STAG1: variants seen among roughly 807,000 people sequenced by gnomAD.
STAG1 encodes the protein cohesin subunit SA-1.
STAG1 carries 26 observed loss-of-function variants against 170.9 expected under a neutral mutation model. The ratio of observed to expected loss-of-function variants is 0.15; its 90% CI spans 0.11 to 0.21. STAG1 has a LOEUF of 0.21. STAG1 is among the 10% of genes least tolerant of loss of function. The pLI, the probability that STAG1 is intolerant of heterozygous loss-of-function variation, is 1.00. For synonymous variants in STAG1, 514 were observed against 497.7 expected (o/e 1.03, Z -0.44); for missense variants, 964 against 1,509.5 (o/e 0.64, Z 5.99).
At chr3:136,353,963 CA>C (rs1403755730) in intron 28 of STAG1, among the ~76,000 whole-genome samples, 3 of 151,818 alleles carry the variant, frequency 2.0e-5, no homozygotes, top group Admixed American at 6.6e-5. Context: ...ACAATAAACA[CA>C]AAAAAGTGAG....
intron 9 of STAG1, among the ~76,000 whole-genome samples, chr3:136,487,004 A>C (rs1300966845): frequency 7.7e-5 from 2 of 26,006 alleles, no homozygotes; most frequent in African/African-American, 1.1e-4. Context: ...TTCTTCAAAA[A>C]AAAAAAAAAA....
intron 9 of STAG1, among the ~76,000 whole-genome samples, chr3:136,492,455 T>C (rs1001356261): frequency 6.6e-6 from 1 of 152,144 alleles, no homozygotes; most frequent in African/African-American, 2.4e-5. Flanking sequence ...CATAAAAATA[T>C]GGATTCTGAA....
chr3:136,424,319 T>C (rs1011358233), intron 16 of STAG1, among the ~76,000 whole-genome samples: 5 of 149,694 alleles, frequency 3.3e-5, no homozygotes, highest in African/African-American at 1.2e-4. Context: ...CTATTTTTGA[T>C]GGAACGATCT....
chr3:136,615,811 C>T (rs968195234), intron 3 of STAG1, among the ~76,000 whole-genome samples: 2 of 149,846 alleles, frequency 1.3e-5, no homozygotes, highest in Non-Finnish European at 3.0e-5. Context: ...AAAGAAAAAA[C>T]ATATTCCCAC....
chr3:136,671,357 G>T (rs919869516), intron 1 of STAG1, among the ~76,000 whole-genome samples: 2 of 151,964 alleles, frequency 1.3e-5, no homozygotes, highest in Non-Finnish European at 2.9e-5. Flanking sequence ...TTCTCTTCTA[G>T]ATGCTTTGTA....
chr3:136,542,020 T>TAA (rs1446961715), intron 6 of STAG1, 99 bp downstream of exon 6: 4 of 856,018 alleles, frequency 4.7e-6, no homozygotes, highest in Non-Finnish European at 7.6e-6. Flanking sequence ...GATTTTCAGT[T>TAA]ACACTAAACA....
At chr3:136,540,992 G>C (rs577054568) in intron 6 of STAG1, among the ~76,000 whole-genome samples, 1 of 151,776 alleles carries the variant, frequency 6.6e-6, no homozygotes, top group South Asian at 2.1e-4. Flanking sequence ...CATACGTGAA[G>C]AGTTTTACTA....
At chr3:136,658,215 T>C (rs1941459925) in intron 1 of STAG1, among the ~76,000 whole-genome samples, 1 of 151,540 alleles carries the variant, frequency 6.6e-6, no homozygotes, top group African/African-American at 2.4e-5. Context: ...AAAAAAAGCA[T>C]TTCCAAGGGG....
chr3:136,576,674 G>A (rs1175504417), intron 4 of STAG1, among the ~76,000 whole-genome samples: 1 of 152,132 alleles, frequency 6.6e-6, no homozygotes, highest in African/African-American at 2.4e-5. Flanking sequence ...CAGTCAATAT[G>A]GTGGTTAAAG....
chr3:136,542,209 G>T lies in STAG1; in HGVS notation c.395-14C>A. On this transcript the variant is annotated splice_polypyrimidine_tract_variant and intron_variant, in intron 5 of 33. Transcript: ENST00000383202. ...TTCTCACAGTACCTGTGGAACAACA[G>T]ATTTTACATTAATCTTTCAATTAAT... The T allele has an allele frequency of 6.3e-7, 1 of 1,584,038 alleles. No homozygotes were observed. The highest frequency in any genetic ancestry group is 1.1e-5 in the South Asian group (1 of 89,896).
intron 6 of STAG1, among the ~76,000 whole-genome samples, chr3:136,523,608 A>G (rs916463956): frequency 6.6e-6 from 1 of 151,986 alleles, no homozygotes; most frequent in African/African-American, 2.4e-5. Flanking sequence ...ATTAGATCCC[A>G]TTTGTCAGTT....
At chr3:136,688,254 C>A (rs1942603802) in intron 1 of STAG1, among the ~76,000 whole-genome samples, 1 of 152,060 alleles carries the variant, frequency 6.6e-6, no homozygotes, top group African/African-American at 2.4e-5. Context: ...CAATATGAAC[C>A]CTTTCAATGA....
chr3:136,718,632 TA>T (rs1300992423), intron 1 of STAG1, among the ~76,000 whole-genome samples: 1 of 152,186 alleles, frequency 6.6e-6, no homozygotes, highest in African/African-American at 2.4e-5. Context: ...AATATTCAGA[TA>T]AATAGAGGTG....
At chr3:136,573,023 A>T (rs1232265337) in intron 4 of STAG1, among the ~76,000 whole-genome samples, 1 of 152,108 alleles carries the variant, frequency 6.6e-6, no homozygotes, top group Non-Finnish European at 1.5e-5. Context: ...AAAACATTTT[A>T]AAATAATTAG....
At chr3:136,614,556 C>T (rs75702359) in intron 3 of STAG1, among the ~76,000 whole-genome samples, 3,213 of 152,294 alleles carry the variant, frequency 0.021, 57 homozygotes, top group Non-Finnish European at 0.029. Flanking sequence ...CATTAATCTT[C>T]ACTGTTCCTA....
At chr3:136,689,668 C>T (rs182801726) in intron 1 of STAG1, among the ~76,000 whole-genome samples, 20 of 152,232 alleles carry the variant, frequency 1.3e-4, no homozygotes, top group Admixed American at 9.8e-4. Context: ...TTCAGTGGGA[C>T]GACAGAGATC....
intron 1 of STAG1, among the ~76,000 whole-genome samples, chr3:136,714,925 A>T (rs1362920648): frequency 1.8e-5 from 2 of 108,332 alleles, no homozygotes; most frequent in African/African-American, 8.2e-5. Context: ...AAAAAAAACA[A>T]ATATATATAT....
intron 4 of STAG1, among the ~76,000 whole-genome samples, chr3:136,597,503 A>T (rs1468819349): frequency 6.6e-6 from 1 of 152,202 alleles, no homozygotes; most frequent in Non-Finnish European, 1.5e-5. Context: ...ATGGGTTTTT[A>T]AAATAGTAGT....
At chr3:136,677,118 C>A (rs1281796530) in intron 1 of STAG1, among the ~76,000 whole-genome samples, 4 of 152,112 alleles carry the variant, frequency 2.6e-5, no homozygotes, top group Non-Finnish European at 5.9e-5. Flanking sequence ...GGAGTACACT[C>A]TAAAATAACA....
Sources: allele counts gnomAD v4.1 joint callset (sites outside exome capture counted in the v4.1 genomes callset), GRCh38; gene constraint gnomAD v4.1.1; transcripts MANE v1.5; gene names NCBI Gene and HGNC (gene_info 2026-07-23, HGNC 2026-07-21).